ZFHX3: variants seen among roughly 807,000 people sequenced by gnomAD.
The protein encoded by ZFHX3 is zinc finger homeobox 3.
In ZFHX3, 42 loss-of-function variants were observed where a neutral mutation model predicts 279.1. The ratio of observed to expected loss-of-function variants is 0.15; its 90% CI spans 0.12 to 0.19. The LOEUF (loss-of-function observed/expected upper bound fraction) is 0.19. Among genes scored for constraint, ZFHX3 ranks in the 10% least tolerant of loss-of-function variants. ZFHX3 has a pLI of 1.00. For synonymous variants in ZFHX3, 2,293 were observed against 1,957.8 expected, an observed-to-expected ratio of 1.17 and a Z score of -4.52; for missense variants, 4,981 against 4,754.0, an observed-to-expected ratio of 1.05 and a Z score of -1.40.
chr16:73,121,432 T>C (rs1388980640), intron 7 of ZFHX3, among the ~76,000 whole-genome samples: 1 of 152,174 alleles, frequency 6.6e-6, no homozygotes, highest in Non-Finnish European at 1.5e-5. Context: ...CTGGAATATT[T>C]AAAATTACAC....
intron 2 of ZFHX3, among the ~76,000 whole-genome samples, chr16:73,647,673 C>T (rs1335794499): frequency 1.3e-5 from 2 of 151,682 alleles, no homozygotes; most frequent in Admixed American, 1.3e-4. Context: ...GTTATGAAAA[C>T]TGTATCATAG....
intron 1 of ZFHX3, among the ~76,000 whole-genome samples, chr16:73,721,907 T>C (rs1010838193): frequency 6.6e-6 from 1 of 151,986 alleles, no homozygotes; most frequent in African/African-American, 2.4e-5. Context: ...TAGCCAGATG[T>C]GATGATGCAA....
chr16:73,134,902 T>C (rs4454999), intron 6 of ZFHX3, among the ~76,000 whole-genome samples: 7,791 of 152,142 alleles, frequency 0.051, 674 homozygotes, highest in African/African-American at 0.18. Flanking sequence ...TGCTTTGAAG[T>C]CAGGCCCAAG....
intron 1 of ZFHX3, chr16:73,796,371 A>T (rs961193112): frequency 6.6e-6 from 1 of 152,304 alleles, no homozygotes; most frequent in Non-Finnish European, 1.5e-5. Flanking sequence ...GAAATGAACC[A>T]ATCTTGTCAT....
chr16:73,544,394 C>A (rs1179214957), intron 2 of ZFHX3, among the ~76,000 whole-genome samples: 1 of 152,198 alleles, frequency 6.6e-6, no homozygotes, highest in Non-Finnish European at 1.5e-5. Flanking sequence ...TAAAAGCCCA[C>A]CAATCAGGCC....
At chr16:73,059,523 T>TG (rs1491433776) in exon 1 of ZFHX3, 1 of 111,156 alleles carries the variant, frequency 9.0e-6, no homozygotes. Context: ...TATTTTCCCC[T>TG]TTCTCTCTCT....
At chr16:73,643,581 C>A (rs1463332685) in intron 2 of ZFHX3, among the ~76,000 whole-genome samples, 1 of 152,228 alleles carries the variant, frequency 6.6e-6, no homozygotes, top group Non-Finnish European at 1.5e-5. Flanking sequence ...GGTGAAGTTA[C>A]CTTTTTCTCT....
intron 5 of ZFHX3, among the ~76,000 whole-genome samples, chr16:72,813,699 T>C (rs920276876): frequency 2.6e-5 from 4 of 152,156 alleles, no homozygotes; most frequent in Non-Finnish European, 5.9e-5. Context: ...TTCAAACCCA[T>C]TTTGCTCTTA....
intron 3 of ZFHX3, among the ~76,000 whole-genome samples, chr16:73,376,974 C>CTTTTTT (rs11399068): frequency 7.2e-6 from 1 of 139,720 alleles, no homozygotes; most frequent in African/African-American, 2.7e-5. Flanking sequence ...ATCATGACTG[C>CTTTTTT]TTTTTTTTTT....
At chr16:73,366,318 T>C (rs977265703) in intron 3 of ZFHX3, among the ~76,000 whole-genome samples, 1 of 152,212 alleles carries the variant, frequency 6.6e-6, no homozygotes, top group Non-Finnish European at 1.5e-5. Context: ...GAGATCATTA[T>C]GAAGATTTTG....
At chr16:73,034,994 G>C (rs1404217457) in intron 1 of ZFHX3, among the ~76,000 whole-genome samples, 1 of 152,174 alleles carries the variant, frequency 6.6e-6, no homozygotes, top group African/African-American at 2.4e-5. Flanking sequence ...TCCATCAACA[G>C]AATGTCTCAG....
intron 2 of ZFHX3, among the ~76,000 whole-genome samples, chr16:73,570,162 A>T (rs1371112107): frequency 6.6e-6 from 1 of 152,220 alleles, no homozygotes; most frequent in Non-Finnish European, 1.5e-5. Context: ...GTGTTAAGAA[A>T]TACACTTGCT....
intron 2 of ZFHX3, among the ~76,000 whole-genome samples, chr16:73,550,574 G>A (rs1334158093): frequency 2.0e-5 from 3 of 152,076 alleles, no homozygotes; most frequent in African/African-American, 7.2e-5. Flanking sequence ...GTGATCCTTC[G>A]CAAAGTTTTT....
intron 5 of ZFHX3, among the ~76,000 whole-genome samples, chr16:73,227,230 A>G (rs2012623619): frequency 6.6e-6 from 1 of 152,228 alleles, no homozygotes; most frequent in African/African-American, 2.4e-5. Flanking sequence ...AGTTTTGACA[A>G]TATTCTTTTT....
intron 2 of ZFHX3, among the ~76,000 whole-genome samples, chr16:73,474,595 G>A (rs192195824): frequency 2.6e-5 from 4 of 152,294 alleles, no homozygotes; most frequent in African/African-American, 7.2e-5. Flanking sequence ...TGACTCAAGC[G>A]GAGAACCTGG....
At chr16:73,649,518 T>C (rs568740794) in intron 2 of ZFHX3, among the ~76,000 whole-genome samples, 1 of 152,346 alleles carries the variant, frequency 6.6e-6, no homozygotes, top group African/African-American at 2.4e-5. Context: ...ATAGGTATTC[T>C]CTGGTCTCTT....
chr16:73,147,286 C>T (rs776076349), intron 5 of ZFHX3, among the ~76,000 whole-genome samples: 2 of 152,332 alleles, frequency 1.3e-5, no homozygotes, highest in African/African-American at 2.4e-5. Flanking sequence ...AACTGTTAGA[C>T]TGTTAGACAA....
chr16:73,448,108 C>T (rs1413246519), intron 3 of ZFHX3, among the ~76,000 whole-genome samples: 1 of 151,962 alleles, frequency 6.6e-6, no homozygotes, highest in East Asian at 1.9e-4. Flanking sequence ...GGGCAGGGGG[C>T]AGGGGCAGAT....
chr16:73,335,455 G>A (rs1233719625), intron 3 of ZFHX3, among the ~76,000 whole-genome samples: 2 of 152,086 alleles, frequency 1.3e-5, no homozygotes, highest in Admixed American at 1.3e-4. Context: ...TAAAGTTTCC[G>A]CTGCAGAATA....
Sources: gnomAD v4.1 joint callset for allele counts (sites outside exome capture counted in the v4.1 genomes callset) on GRCh38, gnomAD v4.1.1 for gene constraint, MANE v1.5 for transcripts, NCBI Gene and HGNC (gene_info 2026-07-23, HGNC 2026-07-21) for gene names.